NEAT1: variants seen among roughly 807,000 people sequenced by gnomAD.
NEAT1 encodes the protein MENepsilon/beta.
At chr11:65,444,578 T>G (rs769929933) in exon 1 of NEAT1, 1 of 467,996 alleles carries the variant, frequency 2.1e-6, no homozygotes, top group South Asian at 1.5e-5. Flanking sequence ...GCAGAGCTCG[T>G]GGGGGGCTCC....
chr11:65,429,575 C>T (rs1856596412), exon 1 of NEAT1: 1 of 151,842 alleles, frequency 6.6e-6, no homozygotes, highest in Admixed American at 6.6e-5. Context: ...AAGCCATTTA[C>T]ATCTTAAGGA....
chr11:65,433,501 T>C (rs1856631183), exon 1 of NEAT1: 2 of 152,252 alleles, frequency 1.3e-5, no homozygotes, highest in South Asian at 4.1e-4. Context: ...TTTTTAATAA[T>C]GTGGTAAGCA....
At chr11:65,442,365 G>T (rs1450115933) in exon 1 of NEAT1, 1 of 150,956 alleles carries the variant, frequency 6.6e-6, no homozygotes, top group Non-Finnish European at 1.5e-5. Flanking sequence ...CAGGGGTGGG[G>T]ACCTTTGGGC....
At chr11:65,424,028 T>C (rs1856534323) in exon 1 of NEAT1, 1 of 152,324 alleles carries the variant, frequency 6.6e-6, no homozygotes, top group Non-Finnish European at 1.5e-5. Flanking sequence ...AGTCCTAGCA[T>C]TGCAGGAGGG....
chr11:65,436,326 C>T (rs1467649436), exon 1 of NEAT1: 3 of 152,272 alleles, frequency 2.0e-5, no homozygotes, highest in African/African-American at 7.2e-5. Context: ...CTGTGTGACC[C>T]ATCATCTGTG....
chr11:65,434,798 A>C lies in NEAT1; in HGVS notation n.12001A>C, dbSNP rs180837231. 219 of 152,082 alleles carry C rather than the reference A, an allele frequency of 1.4e-3. 1 individual carries two copies. The highest frequency in any genetic ancestry group is 5.0e-3 in the African/African-American group (206 of 41,448). 9.4% of individuals were successfully genotyped at this position (152,082 alleles called of 1,614,324 possible). A position where few individuals can be genotyped will look rare whatever the true frequency, so the allele number is the denominator to read the frequency against. ...CTAAGTATGAGAGTATCTGTTGTTC[A>C]TATCCTCTACGACGCTCCATATATG... On this transcript the variant is annotated non_coding_transcript_exon_variant, in exon 1 of 1. Coordinates refer to ENST00000501122, the Ensembl canonical transcript of NEAT1.
chr11:65,430,018 C>G (rs1375247569), exon 1 of NEAT1: 1 of 152,214 alleles, frequency 6.6e-6, no homozygotes, highest in African/African-American at 2.4e-5. Flanking sequence ...TCTCCATTTC[C>G]CCATCTGAGT....
exon 1 of NEAT1, chr11:65,440,697 T>G (rs1013185913): frequency 6.6e-6 from 1 of 150,578 alleles, no homozygotes; most frequent in African/African-American, 2.4e-5. Flanking sequence ...ACAAAAAAAT[T>G]AGCCAGGTGT....
At chr11:65,430,661 T>C (rs1590672504) in exon 1 of NEAT1, 1 of 152,218 alleles carries the variant, frequency 6.6e-6, no homozygotes. Flanking sequence ...TTGACTACTT[T>C]AAATCGTGCA....
At chr11:65,431,577 TC>T in exon 1 of NEAT1, 1 of 152,332 alleles carries the variant, frequency 6.6e-6, no homozygotes, top group East Asian at 1.9e-4. Flanking sequence ...CTTGTTATTT[TC>T]TGCTTTTTTT....
At chr11:65,425,371 G>C (rs1310634301) in exon 1 of NEAT1, 1 of 152,100 alleles carries the variant, frequency 6.6e-6, no homozygotes, top group African/African-American at 2.4e-5. Context: ...CTTCCTCCTG[G>C]TGGCCAAGAC....
At chr11:65,423,707 C>T (rs1245323036) in exon 1 of NEAT1, 2 of 152,358 alleles carry the variant, frequency 1.3e-5, no homozygotes, top group South Asian at 2.1e-4. Flanking sequence ...TTCTTCCTCC[C>T]TTTAACTTAT....
At chr11:65,444,493 T>C (rs768430062) in exon 1 of NEAT1, 4 of 481,048 alleles carry the variant, frequency 8.3e-6, no homozygotes, top group Admixed American at 4.6e-5. Flanking sequence ...GCTTCTGAGC[T>C]CCTTAGCACT....
exon 1 of NEAT1, chr11:65,441,571 T>C (rs1856715023): frequency 6.6e-6 from 1 of 152,312 alleles, no homozygotes. Flanking sequence ...CTTTTTTATA[T>C]GTATTAGTGT....
chr11:65,445,195 G>C (rs1856755353), exon 1 of NEAT1: 1 of 152,332 alleles, frequency 6.6e-6, no homozygotes, highest in African/African-American at 2.4e-5. Context: ...CAGAGGGAGG[G>C]AGAGCTGAAG....
exon 1 of NEAT1, chr11:65,437,753 A>G (rs913938417): frequency 2.6e-5 from 4 of 151,994 alleles, no homozygotes; most frequent in African/African-American, 9.7e-5. Flanking sequence ...AGTTGTCCTC[A>G]CTGCCCCCTA....
exon 1 of NEAT1, chr11:65,431,243 ATATTCT>A (rs1237478853): frequency 6.6e-6 from 1 of 152,162 alleles, no homozygotes; most frequent in East Asian, 1.9e-4. Flanking sequence ...GATCCAAATA[ATATTCT>A]TATTTTATAT....
exon 1 of NEAT1, chr11:65,439,322 T>G (rs1289215699): frequency 6.6e-6 from 1 of 152,214 alleles, no homozygotes; most frequent in Non-Finnish European, 1.5e-5. Flanking sequence ...TTTTCTCCCA[T>G]TCTGTGGGTT....
exon 1 of NEAT1, chr11:65,429,216 C>T (rs757726613): frequency 2.6e-5 from 4 of 152,076 alleles, no homozygotes; most frequent in Non-Finnish European, 5.9e-5. Context: ...ATGCTGAATA[C>T]ATACATTTCG....
Sources: gnomAD v4.1 joint callset for allele counts on GRCh38, gnomAD v4.1.1 for gene constraint, MANE v1.5 for transcripts, NCBI Gene and HGNC (gene_info 2026-07-23, HGNC 2026-07-21) for gene names.